Variants in KCNK2 observed in about 807,000 individuals in gnomAD.
KCNK2 encodes potassium channel subfamily K member 2.
KCNK2 carries 21 observed loss-of-function variants against 40.5 expected under a neutral mutation model. That is an observed-to-expected ratio of 0.52 (90% CI 0.37 to 0.75). The LOEUF (loss-of-function observed/expected upper bound fraction) is 0.75. KCNK2 is among the 30% of genes least tolerant of loss of function. KCNK2 has a pLI of 0.00. For missense variants in KCNK2, 399 were observed against 531.6 expected (o/e 0.75, Z 2.45); for synonymous variants, 191 against 202.2 (o/e 0.94, Z 0.47).
At chr1:215,060,238 T>C (rs986355465) in intron 1 of KCNK2, among the ~76,000 whole-genome samples, 2 of 151,612 alleles carry the variant, frequency 1.3e-5, no homozygotes, top group Admixed American at 6.6e-5. Context: ...CAGAGAAAAA[T>C]GAGTCTAGAT....
intron 1 of KCNK2, among the ~76,000 whole-genome samples, chr1:215,049,831 G>T (rs1258172261): frequency 2.0e-5 from 3 of 152,070 alleles, no homozygotes; most frequent in Non-Finnish European, 4.4e-5. Context: ...GGATTTAGTT[G>T]TGGGTTCTCT....
At chr1:215,184,817 G>A (rs945774756) in intron 5 of KCNK2, among the ~76,000 whole-genome samples, 1 of 151,998 alleles carries the variant, frequency 6.6e-6, no homozygotes, top group Admixed American at 6.6e-5. Context: ...CCATATCAGT[G>A]TTATTTTAAA....
At chr1:215,157,936 T>G (rs1005400027) in intron 3 of KCNK2, among the ~76,000 whole-genome samples, 1 of 152,180 alleles carries the variant, frequency 6.6e-6, no homozygotes, top group African/African-American at 2.4e-5. Flanking sequence ...GGAAGCCTTC[T>G]CTAAAGAACC....
chr1:215,006,644 A>G (rs561151497), intron 1 of KCNK2, among the ~76,000 whole-genome samples: 2 of 152,284 alleles, frequency 1.3e-5, no homozygotes, highest in South Asian at 4.1e-4. Flanking sequence ...TCCTATGTAC[A>G]TATTAAATGT....
At chr1:215,081,934 G>A (rs185165956), upstream of KCNK2, 6 of 152,264 alleles carry the variant, frequency 3.9e-5, no homozygotes, top group East Asian at 1.2e-3. Flanking sequence ...GTTTGGGCGG[G>A]GTCTGGTACC....
chr1:215,119,851 A>C (rs1481297442), intron 2 of KCNK2, among the ~76,000 whole-genome samples: 1 of 152,198 alleles, frequency 6.6e-6, no homozygotes, highest in African/African-American at 2.4e-5. Context: ...ACCCAGAAAC[A>C]GTTCTCATGA....
intron 6 of KCNK2, among the ~76,000 whole-genome samples, chr1:215,215,040 TAAG>T (rs1283257058): frequency 3.3e-5 from 5 of 152,146 alleles, no homozygotes; most frequent in African/African-American, 1.2e-4. Flanking sequence ...AGAAAGAAGA[TAAG>T]GAGGCTAGTG....
At chr1:215,047,435 G>A (rs965735653) in intron 1 of KCNK2, among the ~76,000 whole-genome samples, 3 of 152,036 alleles carry the variant, frequency 2.0e-5, no homozygotes, top group African/African-American at 7.2e-5. Flanking sequence ...AGTTTCGAGA[G>A]ATTAAGTAAC....
chr1:215,196,003 C>T (rs76196826), intron 6 of KCNK2, among the ~76,000 whole-genome samples: 1 of 151,950 alleles, frequency 6.6e-6, no homozygotes, highest in Non-Finnish European at 1.5e-5. Flanking sequence ...TAAGTATACA[C>T]CCAAAAGAAA....
At chr1:215,121,863 G>A (rs1661203121) in intron 2 of KCNK2, among the ~76,000 whole-genome samples, 1 of 151,840 alleles carries the variant, frequency 6.6e-6, no homozygotes, top group East Asian at 1.9e-4. Context: ...AACATATATG[G>A]GCTTTCTTGA....
intron 6 of KCNK2, among the ~76,000 whole-genome samples, chr1:215,211,719 T>C (rs959210230): frequency 2.0e-5 from 3 of 152,110 alleles, no homozygotes; most frequent in African/African-American, 4.8e-5. Flanking sequence ...TCAGAAGGGA[T>C]AGAATTCAGA....
At chr1:215,058,154 A>G (rs1658234621) in intron 1 of KCNK2, among the ~76,000 whole-genome samples, 1 of 152,166 alleles carries the variant, frequency 6.6e-6, no homozygotes, top group African/African-American at 2.4e-5. Flanking sequence ...GCTCTCTTCT[A>G]GGATACCATC....
At chr1:215,048,023 C>T (rs922507996) in intron 1 of KCNK2, among the ~76,000 whole-genome samples, 4 of 152,136 alleles carry the variant, frequency 2.6e-5, no homozygotes, top group Non-Finnish European at 4.4e-5. Flanking sequence ...TATGGAGTAA[C>T]GTCAGTGAAC....
chr1:215,155,023 A>G (rs933543911), intron 3 of KCNK2, among the ~76,000 whole-genome samples: 2 of 152,134 alleles, frequency 1.3e-5, no homozygotes, highest in African/African-American at 4.8e-5. Flanking sequence ...TAGTAGTTAC[A>G]TTTAAAGAAT....
intron 3 of KCNK2, among the ~76,000 whole-genome samples, chr1:215,153,302 G>A (rs936053687): frequency 6.6e-6 from 1 of 152,116 alleles, no homozygotes; most frequent in Non-Finnish European, 1.5e-5. Flanking sequence ...TCAGTAACTA[G>A]GTATATTCTT....
intron 5 of KCNK2, among the ~76,000 whole-genome samples, chr1:215,182,668 C>T (rs1224489085): frequency 6.6e-6 from 1 of 152,188 alleles, no homozygotes; most frequent in African/African-American, 2.4e-5. Flanking sequence ...ACTGTGGAAG[C>T]TCCTACCCCA....
At chr1:215,168,882 G>T (rs1006442573) in intron 3 of KCNK2, among the ~76,000 whole-genome samples, 27 of 151,734 alleles carry the variant, frequency 1.8e-4, no homozygotes, top group African/African-American at 5.8e-4. Flanking sequence ...AAAGAAAAAA[G>T]AAATATTTAA....
intron 1 of KCNK2, among the ~76,000 whole-genome samples, chr1:215,064,992 T>C (rs1658488243): frequency 6.6e-6 from 1 of 152,212 alleles, no homozygotes; most frequent in Admixed American, 6.6e-5. Context: ...GTTATTTGAT[T>C]TGGGGAATCT....
intron 1 of KCNK2, among the ~76,000 whole-genome samples, chr1:215,056,499 C>CAAAAAAAAAAA (rs376076606): frequency 7.2e-5 from 4 of 55,176 alleles, no homozygotes; most frequent in Non-Finnish European, 1.2e-4. Flanking sequence ...GACTCAGTCT[C>CAAAAAAAAAAA]AAAAAAAAAA....
Sources: allele counts gnomAD v4.1 joint callset (sites outside exome capture counted in the v4.1 genomes callset), GRCh38; gene constraint gnomAD v4.1.1; transcripts MANE v1.5; gene names NCBI Gene and HGNC (gene_info 2026-07-23, HGNC 2026-07-21).